The following SOS2 variants were observed in gnomAD, a reference collection of about 807,000 sequenced individuals.
The protein encoded by SOS2 is son of sevenless homolog 2.
Under a neutral mutation model 148.2 loss-of-function variants are expected in SOS2, and 65 were observed. The observed-to-expected ratio is 0.44, with a 90% CI of 0.36 to 0.54. The LOEUF is 0.54. Ranked by LOEUF, SOS2 falls within the 20% of genes least tolerant of loss-of-function variation. The pLI, the probability that SOS2 is intolerant of heterozygous loss-of-function variation, is 0.00. For missense variants in SOS2, 1,341 were observed against 1,590.2 expected (o/e 0.84, Z 2.67); for synonymous variants, 539 against 537.1 (o/e 1.00, Z -0.05).
intron 4 of SOS2, among the ~76,000 whole-genome samples, chr14:50,193,242 A>G (rs1160371722): frequency 6.6e-6 from 1 of 151,778 alleles, no homozygotes; most frequent in Non-Finnish European, 1.5e-5. Flanking sequence ...ATGTCTTGCT[A>G]TGCTACCCAG....
At chr14:50,180,390 A>T (rs1212372724) in intron 7 of SOS2, among the ~76,000 whole-genome samples, 182 bp downstream of exon 7, 2 of 149,162 alleles carry the variant, frequency 1.3e-5, no homozygotes, top group East Asian at 3.9e-4. Context: ...AAAGATTTCT[A>T]CAATAAGAAC....
chr14:50,190,140 A>G (rs748773624), intron 4 of SOS2, among the ~76,000 whole-genome samples: 21 of 152,092 alleles, frequency 1.4e-4, no homozygotes, highest in Non-Finnish European at 2.4e-4. Flanking sequence ...GGTGTGAGCC[A>G]CTGCGCCTGG....
At chr14:50,133,242 C>CTTTT (rs753590435) in intron 19 of SOS2, among the ~76,000 whole-genome samples, 15,723 of 77,252 alleles carry the variant, frequency 0.2, 3,143 homozygotes, top group Admixed American at 0.27. Flanking sequence ...TTTCTTTTTT[C>CTTTT]TTTTTTCTTT....
chr14:50,169,320 A>C (rs1392906764), intron 8 of SOS2, among the ~76,000 whole-genome samples: 1 of 77,736 alleles, frequency 1.3e-5, no homozygotes, highest in Non-Finnish European at 2.5e-5. Flanking sequence ...CATCTCAAAA[A>C]AAATAAAAAT....
intron 7 of SOS2, among the ~76,000 whole-genome samples, chr14:50,178,183 G>A (rs1458518492): frequency 6.6e-6 from 1 of 152,202 alleles, no homozygotes; most frequent in African/African-American, 2.4e-5. Context: ...CAATTTTGGA[G>A]GTGGGGCCTA....
At chr14:50,207,488 G>A (rs1366383679) in intron 1 of SOS2, among the ~76,000 whole-genome samples, 6 of 152,000 alleles carry the variant, frequency 3.9e-5, no homozygotes, top group African/African-American at 1.4e-4. Context: ...TCCAGCCTGG[G>A]GGAATGAGCA....
intron 9 of SOS2, among the ~76,000 whole-genome samples, chr14:50,160,754 C>T (rs1422432065): frequency 6.6e-6 from 1 of 152,186 alleles, no homozygotes; most frequent in African/African-American, 2.4e-5. Context: ...AATCTCAACA[C>T]TCTGGGAGGC....
intron 21 of SOS2, among the ~76,000 whole-genome samples, chr14:50,124,994 C>T (rs993511692): frequency 3.3e-5 from 5 of 152,162 alleles, no homozygotes; most frequent in African/African-American, 9.7e-5. Flanking sequence ...CCTACTTCTA[C>T]GATGGCACAG....
intron 4 of SOS2, among the ~76,000 whole-genome samples, chr14:50,194,249 G>A (rs1446486368): frequency 1.3e-5 from 2 of 152,154 alleles, no homozygotes; most frequent in Admixed American, 1.3e-4. Context: ...AAGAGTAGAT[G>A]CAAGAAAGAC....
At chr14:50,135,096 A>G (rs1161873398) in intron 18 of SOS2, among the ~76,000 whole-genome samples, 2 of 144,914 alleles carry the variant, frequency 1.4e-5, no homozygotes, top group South Asian at 2.1e-4. Context: ...AAAAAAAGAA[A>G]GAAAGAAAGA....
At chr14:50,148,666 A>G (rs973907114) in intron 14 of SOS2, among the ~76,000 whole-genome samples, 2 of 152,040 alleles carry the variant, frequency 1.3e-5, no homozygotes, top group African/African-American at 4.8e-5. Context: ...TACTTAAAAT[A>G]TAACATAACA....
chr14:50,184,864 CAAAAAAAA>C (rs34039045), intron 5 of SOS2, among the ~76,000 whole-genome samples: 1,929 of 57,314 alleles, frequency 0.034, 71 homozygotes, highest in African/African-American at 0.12. Flanking sequence ...ACCCTGTCTC[CAAAAAAAA>C]AAAAAAAAAA....
chr14:50,136,796 G>A (rs1427701357), intron 18 of SOS2, among the ~76,000 whole-genome samples: 1 of 151,932 alleles, frequency 6.6e-6, no homozygotes, highest in African/African-American at 2.4e-5. Context: ...CACCACGTTG[G>A]CCAGGCTGGT....
intron 1 of SOS2, among the ~76,000 whole-genome samples, chr14:50,209,584 C>T (rs964114899): frequency 1.3e-5 from 2 of 151,834 alleles, no homozygotes; most frequent in Admixed American, 6.6e-5. Flanking sequence ...CTGGGCAACA[C>T]GGTGAAACAC....
At chr14:50,156,774 A>C in intron 12 of SOS2, 1 of 234,790 alleles carries the variant, frequency 4.3e-6, no homozygotes, top group Non-Finnish European at 8.2e-6. Context: ...CAAACATAGG[A>C]TATTTAAATA....
intron 1 of SOS2, among the ~76,000 whole-genome samples, chr14:50,225,237 G>T (rs900631275): frequency 6.6e-6 from 1 of 152,114 alleles, no homozygotes; most frequent in African/African-American, 2.4e-5. Context: ...TTACAGGCAT[G>T]AGCTACTGCA....
intron 19 of SOS2, among the ~76,000 whole-genome samples, chr14:50,132,766 T>G (rs1337984281): frequency 2.6e-5 from 4 of 152,146 alleles, no homozygotes; most frequent in Non-Finnish European, 4.4e-5. Context: ...AACAATAACA[T>G]CTGCTTACTA....
At chr14:50,157,161 T>A in intron 11 of SOS2, 40 bp from the exon 12 acceptor site, 1 of 1,587,602 alleles carries the variant, frequency 6.3e-7, no homozygotes, top group South Asian at 1.1e-5. Context: ...CGTTCATACA[T>A]AATGAAAATA....
Position 50,145,535 on chromosome 14 carries a change from A to G in SOS2, c.2446T>C (p.Ser816Pro). Residue 816 changes from serine to proline, a missense_variant, in exon 15 of 23, where the codon TCT (serine) becomes CCT (proline). This residue lies in a region of SOS2 where 408 missense variants were observed against 506.6 expected (regional missense o/e 0.81). Coordinates refer to ENST00000216373, the MANE Select transcript of SOS2 (RefSeq NM_006939.4). Reference sequence around the variant, plus strand: ...CGAATCATTTTTAATAAATTTGGAGAATTTATTTCTTTATCTTCTTTGGTC... The same window carrying G: ...CGAATCATTTTTAATAAATTTGGAGGATTTATTTCTTTATCTTCTTTGGTC... ...VWTKEDKEIN[S>P]PNLLKMIRHT... is the part of the protein sequence containing the mutation. The G allele has an allele frequency of 6.2e-7, 1 of 1,610,144 alleles. No individual in the cohort carries two copies. The highest frequency in any genetic ancestry group is 2.2e-5 in the East Asian group (1 of 44,790).
Sources: gnomAD v4.1 joint callset for allele counts (sites outside exome capture counted in the v4.1 genomes callset) on GRCh38, gnomAD v4.1.1 for gene constraint, gnomAD v4.1.1 regional missense constraint, MANE v1.5 for transcripts, NCBI Gene and HGNC (gene_info 2026-07-23, HGNC 2026-07-21) for gene names.